Variants in MGMT observed in about 807,000 individuals in gnomAD.
The protein encoded by MGMT is O-6-methylguanine-DNA methyltransferase.
A neutral mutation model predicts 15.9 loss-of-function variants in MGMT; 14 were observed. That is an observed-to-expected ratio of 0.88 (90% CI 0.58 to 1.37). The LOEUF (loss-of-function observed/expected upper bound fraction) is 1.37. MGMT is among the 40% of genes most tolerant of loss of function. The pLI, the probability that MGMT is intolerant of heterozygous loss-of-function variation, is 0.00. For missense variants in MGMT, 282 were observed against 268.1 expected (o/e 1.05, Z -0.36); for synonymous variants, 130 against 118.2 (o/e 1.10, Z -0.65).
At chr10:129,579,041 C>T (rs1024997078) in intron 2 of MGMT, among the ~76,000 whole-genome samples, 3 of 152,130 alleles carry the variant, frequency 2.0e-5, no homozygotes, top group Non-Finnish European at 4.4e-5. Flanking sequence ...GTTCCCTTAT[C>T]CCAGGAGGGC....
intron 1 of MGMT, among the ~76,000 whole-genome samples, chr10:129,492,857 G>A (rs995584968): frequency 6.6e-6 from 1 of 152,238 alleles, no homozygotes; most frequent in African/African-American, 2.4e-5. Context: ...GCTTGGAAAT[G>A]AAAGTCCATT....
intron 2 of MGMT, among the ~76,000 whole-genome samples, chr10:129,665,245 T>A (rs1293799181): frequency 1.3e-5 from 1 of 79,872 alleles, no homozygotes. Flanking sequence ...CCAACTCACT[T>A]ACCCCCACAC....
At chr10:129,602,182 T>C (rs958634812) in intron 2 of MGMT, among the ~76,000 whole-genome samples, 16 of 152,220 alleles carry the variant, frequency 1.1e-4, no homozygotes, top group African/African-American at 3.6e-4. Flanking sequence ...CAGAATCATA[T>C]ACATTTAAAA....
chr10:129,552,893 G>A lies in MGMT; in HGVS notation c.125+16516G>A, dbSNP rs924058240. ...TTTTTTTCCTGGCTTTTTCATTAAT[G>A]TATGTAAAAATATTAAAAGCCCTTG... On this transcript the variant is annotated intron_variant, in intron 2 of 4. Transcript: ENST00000651593. 6.6e-5 allele frequency among the ~76,000 whole-genome samples: 10 copies of A among 152,282 alleles called. No individual in the cohort carries two copies. In the South Asian group the frequency reaches 1.0e-3, roughly 16 times the overall value.
intron 2 of MGMT, among the ~76,000 whole-genome samples, chr10:129,562,215 A>G (rs934695984): frequency 3.3e-5 from 5 of 152,216 alleles, no homozygotes; most frequent in East Asian, 1.9e-4. Context: ...TCTGAACCCT[A>G]TAGCTTAAGT....
chr10:129,674,837 G>T (rs899039701), intron 2 of MGMT, among the ~76,000 whole-genome samples: 1 of 152,204 alleles, frequency 6.6e-6, no homozygotes. Context: ...GAACACAGCA[G>T]TGAGAGATGA....
intron 2 of MGMT, among the ~76,000 whole-genome samples, chr10:129,561,283 C>T (rs1444601716): frequency 1.3e-5 from 2 of 152,152 alleles, no homozygotes; most frequent in East Asian, 1.9e-4. Context: ...GGGATTCGCT[C>T]TGTGGGTGCG....
At chr10:129,552,347 G>T (rs1226354936) in intron 2 of MGMT, among the ~76,000 whole-genome samples, 4 of 152,224 alleles carry the variant, frequency 2.6e-5, no homozygotes, top group Non-Finnish European at 5.9e-5. Context: ...GCATGCCCAG[G>T]TGGTCATCCA....
intron 1 of MGMT, among the ~76,000 whole-genome samples, chr10:129,509,377 G>A (rs913823334): frequency 2.6e-5 from 4 of 152,168 alleles, no homozygotes; most frequent in Admixed American, 2.6e-4. Context: ...ACCAGGCCCT[G>A]CACACGGTTC....
chr10:129,696,268 G>A (rs1848031165), intron 2 of MGMT, among the ~76,000 whole-genome samples: 1 of 152,122 alleles, frequency 6.6e-6, no homozygotes, highest in South Asian at 2.1e-4. Flanking sequence ...AGGATTTGCT[G>A]CTTCGTTTCA....
chr10:129,520,659 C>A (rs1845795582), intron 1 of MGMT, among the ~76,000 whole-genome samples: 1 of 150,332 alleles, frequency 6.7e-6, no homozygotes. Context: ...AGAATCCCTA[C>A]AGTGTATGTG....
chr10:129,565,484 A>G (rs942777136), intron 2 of MGMT, among the ~76,000 whole-genome samples: 1 of 152,198 alleles, frequency 6.6e-6, no homozygotes, highest in African/African-American at 2.4e-5. Context: ...GTATGTTTCA[A>G]CTATTCCTTT....
At chr10:129,631,828 TAATA>T (rs1194616603) in intron 2 of MGMT, among the ~76,000 whole-genome samples, 3 of 152,168 alleles carry the variant, frequency 2.0e-5, no homozygotes, top group African/African-American at 7.2e-5. Flanking sequence ...TGTCTCAATT[TAATA>T]AATAAATAAA....
At chr10:129,745,312 G>A (rs956375649) in intron 3 of MGMT, among the ~76,000 whole-genome samples, 25 of 152,142 alleles carry the variant, frequency 1.6e-4, no homozygotes, top group Admixed American at 3.3e-4. Flanking sequence ...TAACGCGTGT[G>A]TGTGTTTCTG....
chr10:129,657,729 C>CACACACACACACACACA lies in MGMT; in HGVS notation c.126-50166_126-50165insACACACACACACACACA, dbSNP rs1564750921. Among the ~76,000 whole-genome samples, 309 of 122,338 alleles carry CACACACACACACACACA rather than the reference C, an allele frequency of 2.5e-3. 17 individuals are homozygous for CACACACACACACACACA. The highest frequency in any genetic ancestry group is 0.011 in the East Asian group (46 of 4,380). The allele number at this position is 122,338 out of a possible 152,430, so 80.3% of individuals were successfully genotyped here. ...CACGCACACACACACACACACACAC[C>CACACACACACACACACA]CCCTCTCCCCCAAGGACCCACAAGG... On this transcript the variant is annotated intron_variant, in intron 2 of 4. Coordinates refer to ENST00000651593, the MANE Select transcript of MGMT (RefSeq NM_002412.5).
rs968610171 is a variant in MGMT, at chr10:129,648,904, G to A, written c.126-58991G>A. On this transcript the variant is annotated intron_variant, in intron 2 of 4. Transcript: ENST00000651593. Reference sequence around the variant, plus strand: ...AAATTAGTGAAGAGTGGACACCACCGCTTAAGCCCTGCTAAGACCAGTTAA... The same window carrying A: ...AAATTAGTGAAGAGTGGACACCACCACTTAAGCCCTGCTAAGACCAGTTAA... Among the ~76,000 whole-genome samples, 6 of 152,120 alleles carry A rather than the reference G, an allele frequency of 3.9e-5. No individual in the cohort carries two copies. The East Asian group carries it at 5.8e-4, about 15-fold the overall frequency.
chr10:129,564,239 TCCCCCTTCCCCCTCCTCTTCCCCTTCCTC>T (rs1846316935), intron 2 of MGMT: 2 of 32,034 alleles, frequency 6.2e-5, no homozygotes, highest in Admixed American at 4.0e-4. Flanking sequence ...CCCCTCCTCT[TCCCCCTTCCCCCTCCTCTTCCCCTTCCTC>T]CTCCTCTTCC....
intron 2 of MGMT, among the ~76,000 whole-genome samples, chr10:129,645,762 C>T (rs561779262): frequency 1.3e-5 from 2 of 152,290 alleles, no homozygotes; most frequent in South Asian, 2.1e-4. Flanking sequence ...TCCAGGCCAG[C>T]GGCGGTGTTA....
chr10:129,595,005 G>A (rs1381893111), intron 2 of MGMT, among the ~76,000 whole-genome samples: 6 of 152,158 alleles, frequency 3.9e-5, no homozygotes, highest in Non-Finnish European at 5.9e-5. Context: ...CACGTCTCAC[G>A]GTTCACCCCT....
Sources: gnomAD v4.1 joint callset for allele counts (sites outside exome capture counted in the v4.1 genomes callset) on GRCh38, gnomAD v4.1.1 for gene constraint, MANE v1.5 for transcripts, NCBI Gene and HGNC (gene_info 2026-07-23, HGNC 2026-07-21) for gene names.